Variants in ARID1A observed in about 807,000 individuals in gnomAD.
ARID1A encodes AT-rich interactive domain-containing protein 1A.
Under a neutral mutation model 212.6 loss-of-function variants are expected in ARID1A, and 20 were observed. The ratio of observed to expected loss-of-function variants is 0.09; its 90% confidence interval spans 0.07 to 0.14. The LOEUF (loss-of-function observed/expected upper bound fraction) is 0.14, where lower values mean the gene tolerates loss of function less well. Among genes scored for constraint, ARID1A ranks in the 10% least tolerant of loss-of-function variants. The pLI is 1.00. For synonymous variants in ARID1A, 1,376 were observed against 1,222.1 expected, an observed-to-expected ratio of 1.13 and a Z score of -2.63; for missense variants, 2,587 against 3,059.0, an observed-to-expected ratio of 0.85 and a Z score of 3.64.
At chr1:26,697,620 C>T in intron 1 of ARID1A, 80 bp downstream of exon 1, 4 of 1,224,420 alleles carry the variant, frequency 3.3e-6, no homozygotes, top group South Asian at 3.0e-5. Flanking sequence ...GGGCCACAGC[C>T]TTGGGCTCCC....
At chr1:26,766,677 A>G in intron 10 of ARID1A, 111 bp downstream of exon 10, 1 of 1,127,322 alleles carries the variant, frequency 8.9e-7, no homozygotes, top group Non-Finnish European at 1.2e-6. Flanking sequence ...ACACCGGACT[A>G]GATAGTCTCT....
At chr1:26,706,125 C>T (rs1046106393) in intron 1 of ARID1A, among the ~76,000 whole-genome samples, 5 of 152,178 alleles carry the variant, frequency 3.3e-5, no homozygotes, top group Non-Finnish European at 7.3e-5. Flanking sequence ...AATTGCTACC[C>T]ATATGAAGAG....
At chr1:26,776,909 G>A (rs942908384) in intron 19 of ARID1A, among the ~76,000 whole-genome samples, 2 of 152,116 alleles carry the variant, frequency 1.3e-5, no homozygotes, top group African/African-American at 4.8e-5. Flanking sequence ...TGATTCCTAA[G>A]CCTGATTTTA....
At chr1:26,726,820 G>A (rs2080623872) in intron 1 of ARID1A, among the ~76,000 whole-genome samples, 1 of 152,238 alleles carries the variant, frequency 6.6e-6, no homozygotes, top group Non-Finnish European at 1.5e-5. Context: ...ATAGTTAGCT[G>A]CAACTAAGTG....
At chr1:26,760,165 T>G (rs2080977485) in intron 4 of ARID1A, among the ~76,000 whole-genome samples, 1 of 152,250 alleles carries the variant, frequency 6.6e-6, no homozygotes, top group South Asian at 2.1e-4. Context: ...TGCTTTCTTA[T>G]GACTGTAGAA....
At position 26,780,679 on chromosome 1, in the gene ARID1A, A is replaced by G. The variant is rs750806872; in HGVS notation, c.6781A>G (p.Ile2261Val). 2.5e-6 allele frequency: 4 copies of G among 1,604,258 alleles called. No individual in the cohort carries two copies. Among genetic ancestry groups the G allele is most frequent in the Non-Finnish European group, 3.4e-6 (4 of 1,178,502 alleles). ...TCTGTACGAATCACGGCTGTTGGACATCTCGGTATCACCGTTGATGAACTC... is the reference window on the plus strand; with the variant it reads ...TCTGTACGAATCACGGCTGTTGGACGTCTCGGTATCACCGTTGATGAACTC... ...FTLYESRLLD[I>V]SVSPLMNSLV... Residue 2261 changes from isoleucine (I) to valine (V), a missense_variant, in exon 20 of 20, where the codon ATC becomes GTC. Ile to Val is a conservative substitution (Grantham distance 29). Coordinates refer to ENST00000324856, the MANE Select transcript of ARID1A (RefSeq NM_006015.6). The surrounding 1 kb of genome is among the most constrained non-coding windows in gnomAD (Gnocchi z 7.2).
chr1:26,758,176 A>G (rs2080959064), intron 4 of ARID1A, among the ~76,000 whole-genome samples: 1 of 152,158 alleles, frequency 6.6e-6, no homozygotes, highest in Admixed American at 6.5e-5. Flanking sequence ...GTAGGGCCTA[A>G]CGAGTGCTTC....
At chr1:26,713,057 G>A (rs1057089215) in intron 1 of ARID1A, among the ~76,000 whole-genome samples, 2 of 152,212 alleles carry the variant, frequency 1.3e-5, no homozygotes, top group African/African-American at 4.8e-5. Flanking sequence ...TGAAGGCAGT[G>A]GTTTCCAGGA....
intron 4 of ARID1A, among the ~76,000 whole-genome samples, chr1:26,758,095 A>G (rs1218880110): frequency 2.0e-5 from 3 of 152,186 alleles, no homozygotes; most frequent in Non-Finnish European, 4.4e-5. Flanking sequence ...TGGAGACTGT[A>G]GGAAGGAGTG....
chr1:26,697,530 G>C lies in ARID1A; in HGVS notation c.1127G>C (p.Arg376Pro). The C allele has an allele frequency of 7.2e-7, 1 of 1,387,390 alleles. No homozygotes were observed. Among genetic ancestry groups the C allele is most frequent in the Non-Finnish European group, 9.3e-7 (1 of 1,079,974 alleles). 85.9% of individuals were successfully genotyped at this position (1,387,390 alleles called of 1,614,324 possible). The change falls in exon 1 of 20, where the codon CGG becomes CCG. Residue 376 changes from arginine (R) to proline (P), a missense_variant. Physicochemically the swap from Arg to Pro is moderately radical, Grantham distance 103. Transcript: ENST00000324856. The stretch of plus-strand genomic sequence containing the variant: ...GGCGGCGGGGGGCAGCCGCTCGCCC[G>C]GACCCCTCAGGTACACAGCTGAGTG... The part of the protein sequence containing the change: ...SSGGGGQPLA[R>P]TPQPSSPMDQ...
chr1:26,777,670 C>T (rs979121100), intron 19 of ARID1A, among the ~76,000 whole-genome samples: 4 of 152,148 alleles, frequency 2.6e-5, no homozygotes, highest in Non-Finnish European at 5.9e-5. Context: ...CAGTGGCTCA[C>T]GCCTGTAATC....
chr1:26,763,099 C>G lies in ARID1A; in HGVS notation c.2546C>G (p.Pro849Arg). 6.2e-7 allele frequency: 1 copy of G among 1,614,280 alleles called. No homozygotes were observed. Among genetic ancestry groups the G allele is most frequent in the Non-Finnish European group, 8.5e-7 (1 of 1,180,048 alleles). ...GQMHGQPGIP[P>R]YGTLPPGRMS... The stretch of plus-strand genomic sequence containing the variant: ...ATGCATGGACAGCCTGGCATCCCAC[C>G]TTATGGCACACTCCCTCCAGGGAGG... The change falls in exon 8 of 20, where the codon CCT (proline) becomes CGT (arginine). Residue 849 changes from proline to arginine, a missense_variant. This residue lies in a region of ARID1A where 674 missense variants were observed against 813.4 expected (regional missense o/e 0.83). Transcript: ENST00000324856.
At chr1:26,735,141 G>A (rs2080717182) in intron 4 of ARID1A, among the ~76,000 whole-genome samples, 1 of 148,862 alleles carries the variant, frequency 6.7e-6, no homozygotes, top group East Asian at 1.9e-4. Flanking sequence ...TTTTTGGGGG[G>A]AGAGAGAGTT....
At chr1:26,757,670 C>CT (rs1321300154) in intron 4 of ARID1A, among the ~76,000 whole-genome samples, 111 of 146,718 alleles carry the variant, frequency 7.6e-4, no homozygotes, top group Middle Eastern at 3.5e-3. Context: ...ATAATCAAAA[C>CT]TTTTTTTTTT....
chr1:26,705,504 A>G (rs2080383398), intron 1 of ARID1A, among the ~76,000 whole-genome samples: 1 of 149,576 alleles, frequency 6.7e-6, no homozygotes, highest in Non-Finnish European at 1.5e-5. Flanking sequence ...GGAGTCTTGG[A>G]TAAACATTCT....
In ARID1A at chr1:26,781,825, TTA is replaced by T. The variant is rs2081198577; in HGVS notation, c.*1072_*1073del. 2 of 233,626 alleles carry T rather than the reference TTA, an allele frequency of 8.6e-6. No homozygotes were observed. The highest frequency in any genetic ancestry group is 6.0e-5 in the East Asian group (1 of 16,608). The allele number at this position is 233,626 out of a possible 1,614,324, so 14.5% of individuals were successfully genotyped here. Reference sequence around the variant, plus strand: ...CTTGCTGTCTCAGCAGCCAATCAACTTATAGTTTATTTTTTTCTGGGTTTTTG... The same window carrying T: ...CTTGCTGTCTCAGCAGCCAATCAACTTAGTTTATTTTTTTCTGGGTTTTTG... On this transcript the variant is annotated 3_prime_UTR_variant, in exon 20 of 20. Coordinates refer to ENST00000324856, the MANE Select transcript of ARID1A (RefSeq NM_006015.6).
chr1:26,731,273 C>T lies in ARID1A; in HGVS notation c.1472C>T (p.Ser491Phe), dbSNP rs2124788424. The T allele has an allele frequency of 6.2e-7, 1 of 1,613,956 alleles. No homozygotes were observed. Among genetic ancestry groups the T allele is most frequent in the Non-Finnish European group, 8.5e-7 (1 of 1,179,990 alleles). The change falls in exon 3 of 20, where the codon TCC becomes TTC. Residue 491 changes from serine to phenylalanine, a missense_variant. Ser to Phe is a radical substitution (Grantham distance 155, BLOSUM62 -2). Coordinates refer to ENST00000324856, the MANE Select transcript of ARID1A (RefSeq NM_006015.6). ...CCACCCTACTCCCAGCAACCACCGT[C>T]CCAGACCCCTCATGCCCAACCTTCG... ...QQPPYSQQPP[S>F]QTPHAQPSYQ...
intron 1 of ARID1A, among the ~76,000 whole-genome samples, chr1:26,715,933 G>A (rs1210532518): frequency 1.3e-5 from 2 of 151,942 alleles, no homozygotes; most frequent in African/African-American, 2.4e-5. Flanking sequence ...CAGGCTGGGC[G>A]CGGTGGCTCA....
At chr1:26,742,634 C>A (rs530836548) in intron 4 of ARID1A, among the ~76,000 whole-genome samples, 3 of 152,214 alleles carry the variant, frequency 2.0e-5, no homozygotes, top group African/African-American at 7.2e-5. Flanking sequence ...GGTTTAGAAG[C>A]ACAGAGACCC....
Sources: allele counts gnomAD v4.1 joint callset (sites outside exome capture counted in the v4.1 genomes callset), GRCh38; gene constraint gnomAD v4.1.1; regional missense constraint gnomAD v4.1.1; non-coding constraint Gnocchi (gnomAD v3.1); transcripts MANE v1.5; gene names NCBI Gene and HGNC (gene_info 2026-07-23, HGNC 2026-07-21).